Variants in DGKB observed in about 807,000 individuals in gnomAD.
DGKB encodes the protein diacylglycerol kinase beta.
DGKB carries 67 observed loss-of-function variants against 114.3 expected under a neutral mutation model. The ratio of observed to expected loss-of-function variants is 0.59; its 90% CI spans 0.48 to 0.72. DGKB has a LOEUF of 0.72. DGKB is among the 30% of genes least tolerant of loss of function. The probability of loss-of-function intolerance (pLI) is 0.00; values close to 1 mark genes in which losing one functional copy is unlikely to be tolerated. For missense variants in DGKB, 907 were observed against 975.2 expected (o/e 0.93, Z 0.93); for synonymous variants, 398 against 323.1 (o/e 1.23, Z -2.49).
intron 23 of DGKB, among the ~76,000 whole-genome samples, chr7:14,179,006 A>G (rs1026560901): frequency 3.3e-5 from 5 of 152,220 alleles, no homozygotes; most frequent in African/African-American, 9.6e-5. Context: ...ATTCATATTC[A>G]CATACCTAGA....
intron 23 of DGKB, among the ~76,000 whole-genome samples, chr7:14,231,701 G>GA (rs560992532): frequency 2.3e-4 from 35 of 149,994 alleles, no homozygotes; most frequent in African/African-American, 4.4e-4. Flanking sequence ...CTGCTATACA[G>GA]AAAAAAAAAT....
chr7:14,844,698 G>A (rs1848399123), intron 1 of DGKB, among the ~76,000 whole-genome samples: 1 of 152,076 alleles, frequency 6.6e-6, no homozygotes, highest in African/African-American at 2.4e-5. Flanking sequence ...TCATGAACTA[G>A]GATGATTCCT....
intron 20 of DGKB, among the ~76,000 whole-genome samples, chr7:14,573,949 A>C: frequency 6.6e-6 from 1 of 152,240 alleles, no homozygotes. Context: ...ACACAAATAA[A>C]CCAATTACAA....
chr7:14,190,092 A>G (rs975183812), intron 23 of DGKB, among the ~76,000 whole-genome samples: 3 of 152,188 alleles, frequency 2.0e-5, no homozygotes, highest in African/African-American at 7.2e-5. Flanking sequence ...CAGCTTTAGA[A>G]TACATATTCT....
intron 23 of DGKB, among the ~76,000 whole-genome samples, chr7:14,315,897 A>G (rs916813612): frequency 5.3e-5 from 8 of 151,580 alleles, no homozygotes; most frequent in African/African-American, 1.9e-4. Context: ...AGCTCTCCTC[A>G]GCAAATGTAA....
In DGKB at chr7:14,581,020, T is replaced by A. The variant is rs1799855075; in HGVS notation, c.1520-69A>T. 3.7e-6 allele frequency: 4 copies of A among 1,092,372 alleles called. No individual in the cohort carries two copies. The South Asian group carries it at 4.6e-5, about 12-fold the overall frequency. The allele number at this position is 1,092,372 out of a possible 1,614,324, so 67.7% of individuals were successfully genotyped here. On this transcript the variant is annotated intron_variant, in intron 18 of 25. Coordinates refer to ENST00000402815, the MANE Select transcript of DGKB (RefSeq NM_001350709.2). ...AGATAAAACGACGGAAATAAAAAGA[T>A]AGCCTGATGACATTAAATGAAGGAA...
chr7:14,699,507 A>T (rs112645466), intron 7 of DGKB, among the ~76,000 whole-genome samples: 21 of 152,316 alleles, frequency 1.4e-4, no homozygotes, highest in African/African-American at 5.1e-4. Flanking sequence ...AAGGTTAAAC[A>T]TGTTATTATA....
At chr7:14,953,331 C>A (rs1786312978) in intron 1 of DGKB, among the ~76,000 whole-genome samples, 1 of 151,982 alleles carries the variant, frequency 6.6e-6, no homozygotes, top group Non-Finnish European at 1.5e-5. Context: ...CTATAAAGAT[C>A]ATGTAAAGAA....
chr7:14,430,745 A>G (rs753277289), intron 21 of DGKB, among the ~76,000 whole-genome samples: 1 of 152,228 alleles, frequency 6.6e-6, no homozygotes, highest in Non-Finnish European at 1.5e-5. Context: ...CATTTTATAT[A>G]TAACTACTTT....
intron 1 of DGKB, among the ~76,000 whole-genome samples, chr7:14,889,682 T>C (rs1346420260): frequency 1.3e-5 from 2 of 151,594 alleles, no homozygotes; most frequent in Non-Finnish European, 3.0e-5. Flanking sequence ...ATCAATAGTT[T>C]ATATTCAATC....
intron 1 of DGKB, among the ~76,000 whole-genome samples, chr7:14,908,515 C>T (rs1180643684): frequency 6.6e-6 from 1 of 152,146 alleles, no homozygotes; most frequent in African/African-American, 2.4e-5. Flanking sequence ...ACCATGCTAT[C>T]AACTGCAAAT....
intron 20 of DGKB, among the ~76,000 whole-genome samples, chr7:14,495,664 C>A (rs1785202842): frequency 6.6e-6 from 1 of 151,576 alleles, no homozygotes; most frequent in Non-Finnish European, 1.5e-5. Flanking sequence ...TATTGTAATG[C>A]CAAAAGAAAG....
At chr7:14,573,874 T>C (rs947670108) in intron 20 of DGKB, among the ~76,000 whole-genome samples, 1 of 152,106 alleles carries the variant, frequency 6.6e-6, no homozygotes, top group African/African-American at 2.4e-5. Flanking sequence ...TTCAATAATA[T>C]GGAGTTTTAG....
intron 1 of DGKB, among the ~76,000 whole-genome samples, chr7:14,885,770 A>T (rs1347491536): frequency 8.6e-5 from 13 of 151,920 alleles, no homozygotes; most frequent in Middle Eastern, 3.2e-3. Flanking sequence ...CCCATTTGAA[A>T]AACTGAACAT....
intron 20 of DGKB, among the ~76,000 whole-genome samples, chr7:14,502,789 A>G (rs1337821746): frequency 1.3e-5 from 2 of 152,078 alleles, no homozygotes; most frequent in Admixed American, 1.3e-4. Flanking sequence ...CCAACTGCAA[A>G]AGCACTCTTG....
chr7:14,797,585 A>C (rs1241364774), intron 2 of DGKB, among the ~76,000 whole-genome samples: 1 of 152,154 alleles, frequency 6.6e-6, no homozygotes, highest in Non-Finnish European at 1.5e-5. Flanking sequence ...GATCTCAGAA[A>C]GTTATAACTT....
At position 14,403,620 on chromosome 7, in the gene DGKB, A is replaced by G. The variant is rs529773360; in HGVS notation, c.1836-58229T>C. Among the ~76,000 whole-genome samples the G allele has an allele frequency of 3.3e-5, 5 of 152,068 alleles. No individual in the cohort carries two copies. In the South Asian group the frequency reaches 8.3e-4, roughly 25 times the overall value. ...ACTCCAATGCAACTCCTGTTGGAGAACTCTTAGGGAACCCTAATTAGTGTC... is the reference window on the plus strand; with the variant it reads ...ACTCCAATGCAACTCCTGTTGGAGAGCTCTTAGGGAACCCTAATTAGTGTC... On this transcript the variant is annotated intron_variant, in intron 21 of 25. Coordinates refer to ENST00000402815, the MANE Select transcript of DGKB (RefSeq NM_001350709.2).
intron 6 of DGKB, among the ~76,000 whole-genome samples, chr7:14,709,351 CTT>C: frequency 7.4e-6 from 1 of 135,100 alleles, no homozygotes; most frequent in African/African-American, 2.8e-5. Context: ...AATAGGAACA[CTT>C]TTACACTGTT....
intron 12 of DGKB, among the ~76,000 whole-genome samples, chr7:14,676,810 C>T (rs571800050): frequency 3.5e-4 from 53 of 151,774 alleles, no homozygotes; most frequent in African/African-American, 1.3e-3. Flanking sequence ...GAAGATGCTG[C>T]CTCTTTAGTA....
Sources: allele counts gnomAD v4.1 joint callset (sites outside exome capture counted in the v4.1 genomes callset), GRCh38; gene constraint gnomAD v4.1.1; transcripts MANE v1.5; gene names NCBI Gene and HGNC (gene_info 2026-07-23, HGNC 2026-07-21).